Variants in PRKN observed in about 807,000 individuals in gnomAD.
The protein encoded by PRKN is E3 ubiquitin-protein ligase parkin.
A neutral mutation model predicts 59.5 loss-of-function variants in PRKN; 56 were observed. That is an observed-to-expected ratio of 0.94 (90% CI 0.76 to 1.18). The LOEUF is 1.18. PRKN is among the 50% of genes most tolerant of loss of function. PRKN has a pLI of 0.00. For missense variants in PRKN, 657 were observed against 596.4 expected (o/e 1.10, Z -1.06); for synonymous variants, 250 against 222.1 (o/e 1.13, Z -1.12).
At chr6:161,628,237 G>A (rs1783165611) in intron 7 of PRKN, among the ~76,000 whole-genome samples, 1 of 152,194 alleles carries the variant, frequency 6.6e-6, no homozygotes, top group Non-Finnish European at 1.5e-5. Flanking sequence ...GAGTGTCTTA[G>A]TCTGCTCATC....
chr6:161,806,206 C>A (rs1024701702), intron 6 of PRKN, among the ~76,000 whole-genome samples: 21 of 152,170 alleles, frequency 1.4e-4, no homozygotes, highest in African/African-American at 4.8e-4. Context: ...CACACATGAC[C>A]AGCGACAGCT....
chr6:162,659,308 C>G (rs1347598546), intron 1 of PRKN, among the ~76,000 whole-genome samples: 4 of 66,720 alleles, frequency 6.0e-5, no homozygotes, highest in African/African-American at 2.6e-4. Context: ...AAGTTTCATT[C>G]CAATTTGATT....
chr6:161,939,022 C>G (rs1466680752), intron 6 of PRKN, among the ~76,000 whole-genome samples: 1 of 152,060 alleles, frequency 6.6e-6, no homozygotes, highest in Non-Finnish European at 1.5e-5. Flanking sequence ...ATACTTTTAA[C>G]AATTTAAAGA....
At chr6:162,267,901 G>A (rs886415643) in intron 2 of PRKN, among the ~76,000 whole-genome samples, 10 of 152,066 alleles carry the variant, frequency 6.6e-5, no homozygotes, top group African/African-American at 2.4e-4. Context: ...CCAAAAAGAA[G>A]TTCCTTCAAC....
At chr6:162,544,413 TG>T (rs1465383432) in intron 1 of PRKN, among the ~76,000 whole-genome samples, 1 of 152,084 alleles carries the variant, frequency 6.6e-6, no homozygotes, top group African/African-American at 2.4e-5. Flanking sequence ...GAAAAAGGGA[TG>T]TTTATGTTAT....
At chr6:161,642,639 A>G (rs1228301584) in intron 7 of PRKN, among the ~76,000 whole-genome samples, 1 of 152,220 alleles carries the variant, frequency 6.6e-6, no homozygotes, top group Non-Finnish European at 1.5e-5. Flanking sequence ...AGGTATACAC[A>G]TACTAAGTAC....
chr6:162,212,314 A>C (rs1018543855), intron 3 of PRKN, among the ~76,000 whole-genome samples: 1 of 152,092 alleles, frequency 6.6e-6, no homozygotes, highest in South Asian at 2.1e-4. Context: ...GTTTCATGTC[A>C]GTGGTCTCAC....
chr6:162,476,909 G>A (rs1045942064), intron 1 of PRKN, among the ~76,000 whole-genome samples: 1 of 152,146 alleles, frequency 6.6e-6, no homozygotes, highest in African/African-American at 2.4e-5. Context: ...AATAAATGGA[G>A]GAGCTGAGGA....
chr6:162,674,702 GT>G (rs1779469945), intron 1 of PRKN, among the ~76,000 whole-genome samples: 1 of 152,142 alleles, frequency 6.6e-6, no homozygotes, highest in Non-Finnish European at 1.5e-5. Flanking sequence ...TGACATCAGT[GT>G]TTTAGATACT....
At chr6:161,707,082 G>A (rs2128181037) in intron 7 of PRKN, among the ~76,000 whole-genome samples, 1 of 152,202 alleles carries the variant, frequency 6.6e-6, no homozygotes, top group African/African-American at 2.4e-5. Context: ...TTATACATGT[G>A]TTTGGTAGAT....
intron 7 of PRKN, among the ~76,000 whole-genome samples, chr6:161,657,512 A>G (rs1784394249): frequency 6.6e-6 from 1 of 152,026 alleles, no homozygotes; most frequent in African/African-American, 2.4e-5. Context: ...CTAGCTTTTC[A>G]TTAGTAATTT....
At chr6:161,662,980 A>C (rs762090181) in intron 7 of PRKN, among the ~76,000 whole-genome samples, 3 of 152,198 alleles carry the variant, frequency 2.0e-5, no homozygotes, top group Non-Finnish European at 4.4e-5. Context: ...AGGTAAGTGA[A>C]TCATAGGGGT....
At chr6:162,475,337 A>G (rs1791950589) in intron 1 of PRKN, among the ~76,000 whole-genome samples, 1 of 152,206 alleles carries the variant, frequency 6.6e-6, no homozygotes, top group Non-Finnish European at 1.5e-5. Flanking sequence ...GTGGGCCAAA[A>G]GCCACAAGAG....
chr6:161,965,219 C>T (rs1048097163), intron 6 of PRKN, among the ~76,000 whole-genome samples: 13 of 151,826 alleles, frequency 8.6e-5, no homozygotes, highest in African/African-American at 2.7e-4. Flanking sequence ...TTCAATAAGC[C>T]GAATGAATTT....
intron 3 of PRKN, among the ~76,000 whole-genome samples, chr6:162,259,455 T>A (rs909559756): frequency 2.6e-5 from 4 of 152,238 alleles, no homozygotes; most frequent in African/African-American, 9.6e-5. Context: ...AGATTTTTTT[T>A]CTCGCCATTC....
intron 5 of PRKN, among the ~76,000 whole-genome samples, chr6:162,019,155 T>C (rs771050850): frequency 3.3e-5 from 5 of 152,178 alleles, no homozygotes; most frequent in Non-Finnish European, 7.4e-5. Context: ...CAAATTTACA[T>C]TTTTATGGAG....
chr6:161,837,673 T>C (rs1792815085), intron 6 of PRKN, among the ~76,000 whole-genome samples: 1 of 151,290 alleles, frequency 6.6e-6, no homozygotes, highest in South Asian at 2.1e-4. Flanking sequence ...TCCAGGGTAA[T>C]AGATAATGAA....
intron 4 of PRKN, among the ~76,000 whole-genome samples, chr6:162,173,364 T>C (rs574644319): frequency 1.3e-5 from 2 of 152,126 alleles, no homozygotes; most frequent in Admixed American, 1.3e-4. Context: ...AACCAAGGAA[T>C]TTCACCACCA....
intron 1 of PRKN, among the ~76,000 whole-genome samples, chr6:162,697,632 A>G (rs2128236209): frequency 6.6e-6 from 1 of 152,318 alleles, no homozygotes; most frequent in Admixed American, 6.5e-5. Flanking sequence ...TGGCGTCAAA[A>G]GTTGGGAAGC....
Sources: gnomAD v4.1 joint callset for allele counts (sites outside exome capture counted in the v4.1 genomes callset) on GRCh38, gnomAD v4.1.1 for gene constraint, MANE v1.5 for transcripts, NCBI Gene and HGNC (gene_info 2026-07-23, HGNC 2026-07-21) for gene names.